ARPP21: variants seen among roughly 807,000 people sequenced by gnomAD.
The protein encoded by ARPP21 is cAMP regulated phosphoprotein 21.
In ARPP21, 69 loss-of-function variants were observed where a neutral mutation model predicts 113.2. The observed-to-expected ratio is 0.61, with a 90% confidence interval of 0.50 to 0.74. The LOEUF (loss-of-function observed/expected upper bound fraction) is 0.74. Ranked by LOEUF, ARPP21 falls within the 30% of genes least tolerant of loss-of-function variation. The pLI, the probability that ARPP21 is intolerant of heterozygous loss-of-function variation, is 0.00. For synonymous variants in ARPP21, 368 were observed against 375.5 expected (o/e 0.98, Z 0.23); for missense variants, 1,070 against 1,037.4 (o/e 1.03, Z -0.43).
At chr3:35,652,795 C>T (rs1055406370) in intron 1 of ARPP21, among the ~76,000 whole-genome samples, 1 of 151,872 alleles carries the variant, frequency 6.6e-6, no homozygotes, top group Non-Finnish European at 1.5e-5. Context: ...ACCATGTGGC[C>T]ATTTGTGGAG....
chr3:35,678,844 G>A (rs550035906), intron 1 of ARPP21: 1 of 152,066 alleles, frequency 6.6e-6, no homozygotes, highest in South Asian at 2.1e-4. Context: ...TTCATAGATA[G>A]GTATGTGTTG....
chr3:35,718,910 A>C (rs1375149950), intron 13 of ARPP21, among the ~76,000 whole-genome samples: 1 of 96,856 alleles, frequency 1.0e-5, no homozygotes, highest in Non-Finnish European at 2.3e-5. Flanking sequence ...TAACCTGTGC[A>C]AAAAAAAAAA....
At chr3:35,769,286 A>G (rs2096107371) in intron 19 of ARPP21, among the ~76,000 whole-genome samples, 1 of 152,142 alleles carries the variant, frequency 6.6e-6, no homozygotes, top group South Asian at 2.1e-4. Flanking sequence ...ATAGGGTATC[A>G]TAATAACCCT....
At chr3:35,717,398 T>G in intron 13 of ARPP21, 41 bp downstream of exon 13, 1 of 1,218,184 alleles carries the variant, frequency 8.2e-7, no homozygotes, top group Non-Finnish European at 1.2e-6. Flanking sequence ...TTTTTTCAAA[T>G]TATGTGGTAG....
intron 1 of ARPP21, among the ~76,000 whole-genome samples, chr3:35,668,566 G>C (rs1318463979): frequency 6.6e-6 from 1 of 152,090 alleles, no homozygotes; most frequent in African/African-American, 2.4e-5. Flanking sequence ...CAGGATATGA[G>C]GATAGTTTTG....
chr3:35,705,022 A>G (rs116217423), intron 9 of ARPP21, among the ~76,000 whole-genome samples: 1,952 of 152,234 alleles, frequency 0.013, 45 homozygotes, highest in African/African-American at 0.044. Flanking sequence ...ATTACAGACT[A>G]TTACAAACAA....
intron 1 of ARPP21, among the ~76,000 whole-genome samples, chr3:35,668,102 A>G (rs1256480633): frequency 1.3e-5 from 2 of 152,094 alleles, no homozygotes; most frequent in Non-Finnish European, 2.9e-5. Flanking sequence ...GAAATTCACA[A>G]TGTCCCTCCC....
intron 1 of ARPP21, among the ~76,000 whole-genome samples, chr3:35,663,881 T>C (rs1169679272): frequency 6.6e-6 from 1 of 152,168 alleles, no homozygotes; most frequent in African/African-American, 2.4e-5. Context: ...AAGAAGGCCA[T>C]ACTTGGCATC....
intron 1 of ARPP21, among the ~76,000 whole-genome samples, chr3:35,674,887 T>C (rs961757966): frequency 2.4e-4 from 37 of 151,872 alleles, no homozygotes; most frequent in Non-Finnish European, 5.9e-5. Context: ...TGAAAAACAA[T>C]GTGTGGGTCT....
chr3:35,710,299 G>A (rs1259455441), intron 11 of ARPP21, among the ~76,000 whole-genome samples: 1 of 152,034 alleles, frequency 6.6e-6, no homozygotes, highest in Admixed American at 6.6e-5. Context: ...ATTTTATTAT[G>A]GTCAGAATTT....
chr3:35,691,938 T>C (rs1287546684), intron 9 of ARPP21, among the ~76,000 whole-genome samples: 5 of 151,558 alleles, frequency 3.3e-5, no homozygotes, highest in Non-Finnish European at 7.4e-5. Flanking sequence ...TAAAATACTC[T>C]ATATTTTCTG....
chr3:35,686,365 T>C (rs2080589240), intron 5 of ARPP21, among the ~76,000 whole-genome samples: 1 of 151,692 alleles, frequency 6.6e-6, no homozygotes, highest in Non-Finnish European at 1.5e-5. Flanking sequence ...TATATGTACA[T>C]CCCCAGGAAA....
chr3:35,762,105 C>T lies in ARPP21; in HGVS notation c.2137+18140C>T, dbSNP rs543969835. 2.1e-5 allele frequency among the ~76,000 whole-genome samples: 3 copies of T among 144,736 alleles called. No individual in the cohort carries two copies. The East Asian group carries it at 6.0e-4, about 29-fold the overall frequency. The allele number at this position is 144,736 out of a possible 152,430, so 95.0% of individuals were successfully genotyped here. On this transcript the variant is annotated intron_variant, in intron 19 of 20. Coordinates refer to ENST00000684406, the MANE Select transcript of ARPP21 (RefSeq NM_001385562.1). ...CACAGACTCTCTCTCTCCTCTCTCT[C>T]TCTCTCTCTCTCTCTCTCTCTCACA...
intron 9 of ARPP21, among the ~76,000 whole-genome samples, chr3:35,704,719 T>C (rs2088038393): frequency 6.6e-6 from 1 of 152,028 alleles, no homozygotes; most frequent in South Asian, 2.1e-4. Context: ...CCCTGAATTA[T>C]AGTGATTTAT....
chr3:35,743,826 C>T lies in ARPP21; in HGVS notation c.2011-13C>T. ...ATTTTCATTCTCTGCTTTCTTCCTC[C>T]TTTCTTCCACAGATGCCTGTATATT... On this transcript the variant is annotated splice_polypyrimidine_tract_variant and intron_variant, in intron 18 of 20. Transcript: ENST00000684406. 1 of 1,612,236 alleles carries T rather than the reference C, an allele frequency of 6.2e-7. No homozygotes were observed. The highest frequency in any genetic ancestry group is 8.5e-7 in the Non-Finnish European group (1 of 1,178,824).
At chr3:35,697,122 T>G (rs1045663380) in intron 9 of ARPP21, among the ~76,000 whole-genome samples, 1 of 151,620 alleles carries the variant, frequency 6.6e-6, no homozygotes, top group African/African-American at 2.4e-5. Context: ...AGCAACTGTT[T>G]AACTCATCCC....
chr3:35,742,040 G>T (rs1401645255), intron 18 of ARPP21, among the ~76,000 whole-genome samples: 1 of 152,124 alleles, frequency 6.6e-6, no homozygotes, highest in African/African-American at 2.4e-5. Flanking sequence ...CAAAAATTGA[G>T]TTCAAAATTT....
chr3:35,794,232 A>C lies in ARPP21; in HGVS notation c.*274A>C. Reference sequence around the variant, plus strand: ...CTCCTACCACTGAATACCACTGTGTAGATTATAATATCCCTAATTTGGATT... The same window carrying C: ...CTCCTACCACTGAATACCACTGTGTCGATTATAATATCCCTAATTTGGATT... On this transcript the variant is annotated 3_prime_UTR_variant, in exon 21 of 21. Transcript: ENST00000684406. 1 of 450,042 alleles carries C rather than the reference A, an allele frequency of 2.2e-6. No individual in the cohort carries two copies. Among genetic ancestry groups the C allele is most frequent in the Non-Finnish European group, 4.0e-6 (1 of 251,314 alleles). 27.9% of individuals were successfully genotyped at this position (450,042 alleles called of 1,614,324 possible). A position where few individuals can be genotyped will look rare whatever the true frequency, so the allele number is the denominator to read the frequency against.
chr3:35,659,655 T>A (rs551938399), intron 1 of ARPP21, among the ~76,000 whole-genome samples: 24 of 152,120 alleles, frequency 1.6e-4, no homozygotes, highest in Non-Finnish European at 3.1e-4. Context: ...GAGGAACAGA[T>A]CATGAAAAGT....
Sources: gnomAD v4.1 joint callset for allele counts (sites outside exome capture counted in the v4.1 genomes callset) on GRCh38, gnomAD v4.1.1 for gene constraint, MANE v1.5 for transcripts, NCBI Gene and HGNC (gene_info 2026-07-23, HGNC 2026-07-21) for gene names.